PITX1: variants seen among roughly 807,000 people sequenced by gnomAD.
The protein encoded by PITX1 is paired like homeodomain 1.
A neutral mutation model predicts 24.1 loss-of-function variants in PITX1; 5 were observed. That is an observed-to-expected ratio of 0.21 (90% CI 0.11 to 0.44). The LOEUF (loss-of-function observed/expected upper bound fraction) is 0.44, where lower values mean the gene tolerates loss of function less well. Ranked by LOEUF, PITX1 falls within the 20% of genes least tolerant of loss-of-function variation. The pLI, the probability that PITX1 is intolerant of heterozygous loss-of-function variation, is 0.99. For synonymous variants in PITX1, 213 were observed against 208.9 expected, an observed-to-expected ratio of 1.02 and a Z score of -0.17; for missense variants, 401 against 455.4, an observed-to-expected ratio of 0.88 and a Z score of 1.09.
In PITX1 at chr5:135,033,912, G is replaced by T; in HGVS notation, c.-31C>A. On this transcript the variant is annotated 5_prime_UTR_variant, in exon 1 of 3. Transcript: ENST00000265340. The surrounding 1 kb of genome is among the most constrained non-coding windows in gnomAD (Gnocchi z 5.9). ...TGGGGACCGCGGCGGGCGCTCCAGG[G>T]GCCGGGGCTGGGCGCGCCCCGCCGC... 5.3e-6 allele frequency: 7 copies of T among 1,311,502 alleles called. No homozygotes were observed. Among genetic ancestry groups the T allele is most frequent in the Non-Finnish European group, 6.8e-6 (7 of 1,032,350 alleles). 81.2% of individuals were successfully genotyped at this position (1,311,502 alleles called of 1,614,324 possible). A position where few individuals can be genotyped will look rare whatever the true frequency, so the allele number is the denominator to read the frequency against.
chr5:135,033,553 G>C lies in PITX1; in HGVS notation c.169+160C>G. The C allele has an allele frequency of 1.3e-6, 1 of 750,314 alleles. No homozygotes were observed. The highest frequency in any genetic ancestry group is 2.9e-5 in the East Asian group (1 of 34,466). 46.5% of individuals were successfully genotyped at this position (750,314 alleles called of 1,614,324 possible). Reference sequence around the variant, plus strand: ...CCTTCGCGTGTGCGTAAGTTTCCGCGTTCACCGTCAGGTCGAGAACGGGAA... The same window carrying C: ...CCTTCGCGTGTGCGTAAGTTTCCGCCTTCACCGTCAGGTCGAGAACGGGAA... On this transcript the variant is annotated intron_variant, in intron 1 of 2. Coordinates refer to ENST00000265340, the MANE Select transcript of PITX1 (RefSeq NM_002653.5). This position sits in a 1 kb window ranked among gnomAD's most constrained non-coding sequence, Gnocchi z 5.9.
Position 135,033,067 on chromosome 5 carries a change from CG to C in PITX1, c.169+645del, listed in dbSNP as rs1178172044. The C allele has an allele frequency of 2.9e-5, 13 of 444,148 alleles. No individual in the cohort carries two copies. Among genetic ancestry groups the C allele is most frequent in the African/African-American group, 2.5e-4 (12 of 48,952 alleles). 27.5% of individuals were successfully genotyped at this position (444,148 alleles called of 1,614,324 possible). A position where few individuals can be genotyped will look rare whatever the true frequency, so the allele number is the denominator to read the frequency against. On this transcript the variant is annotated intron_variant, in intron 1 of 2. Transcript: ENST00000265340. This position sits in a 1 kb window ranked among gnomAD's most constrained non-coding sequence, Gnocchi z 5.9. Reference sequence around the variant, plus strand: ...AGCGCGGAGGGAGACGCGCAGGAGCCGGGGCGGGGGCCAGAGCCGGGCTGCT... The same window carrying C: ...AGCGCGGAGGGAGACGCGCAGGAGCCGGGCGGGGGCCAGAGCCGGGCTGCT...
chr5:135,031,247 G>T, intron 2 of PITX1, 29 bp downstream of exon 2: 1 of 1,588,218 alleles, frequency 6.3e-7, no homozygotes, highest in Non-Finnish European at 8.6e-7. Flanking sequence ...CTCTGCGCGG[G>T]TGCCCTTAGG....
In PITX1 at chr5:135,033,640, G is replaced by A. The variant is rs1752505019; in HGVS notation, c.169+73C>T. 6.8e-7 allele frequency: 1 copy of A among 1,476,904 alleles called. No homozygotes were observed. Among genetic ancestry groups the A allele is most frequent in the Non-Finnish European group, 9.2e-7 (1 of 1,082,874 alleles). The allele number at this position is 1,476,904 out of a possible 1,614,324, so 91.5% of individuals were successfully genotyped here. On this transcript the variant is annotated intron_variant, in intron 1 of 2. Transcript: ENST00000265340. The surrounding 1 kb of genome is among the most constrained non-coding windows in gnomAD (Gnocchi z 5.9). The stretch of plus-strand genomic sequence containing the variant: ...GCTTGGTTGCGCGGCGCGGGCGTCA[G>A]GCCCTGCTCCCAGCTCCCCGTGCTC...
chr5:135,032,903 C>CCA (rs1314903911), intron 1 of PITX1: 2 of 418,966 alleles, frequency 4.8e-6, no homozygotes, highest in Non-Finnish European at 9.7e-6. Flanking sequence ...GAAGAGGCGC[C>CCA]CACACCGGGG....
In PITX1 at chr5:135,029,204, C is replaced by T. The variant is rs1217579831; in HGVS notation, c.520G>A (p.Val174Met). The change falls in exon 3 of 3, where the codon GTG becomes ATG. Residue 174 changes from valine (V) to methionine (M), a missense_variant. Coordinates refer to ENST00000265340, the MANE Select transcript of PITX1 (RefSeq NM_002653.5). ...TTGTAGGAGTAGCCGGCGGCGTACA[C>T]GTCCTCGTAGGGCTGCACTAGGCCG... ...FSGLVQPYEDVYAAGYSYNNW... is the reference protein window; with the variant it reads ...FSGLVQPYEDMYAAGYSYNNW... 8 of 1,614,076 alleles carry T rather than the reference C, an allele frequency of 5.0e-6. No homozygotes were observed. Among genetic ancestry groups the T allele is most frequent in the Middle Eastern group, 1.6e-4 (1 of 6,084 alleles).
At position 135,033,618 on chromosome 5, in the gene PITX1, T is replaced by G; in HGVS notation, c.169+95A>C. The stretch of plus-strand genomic sequence containing the variant: ...ACGCTTCTGGGGCGGAGAGGGAGCT[T>G]GGTTGCGCGGCGCGGGCGTCAGGCC... On this transcript the variant is annotated intron_variant, in intron 1 of 2. Coordinates refer to ENST00000265340, the MANE Select transcript of PITX1 (RefSeq NM_002653.5). This position sits in a 1 kb window ranked among gnomAD's most constrained non-coding sequence, Gnocchi z 5.9. The G allele has an allele frequency of 2.4e-6, 3 of 1,249,496 alleles. No individual in the cohort carries two copies. The highest frequency in any genetic ancestry group is 3.4e-6 in the Non-Finnish European group (3 of 882,290). The allele number at this position is 1,249,496 out of a possible 1,614,324, so 77.4% of individuals were successfully genotyped here.
At chr5:135,031,030 G>A (rs1316884706) in intron 2 of PITX1, among the ~76,000 whole-genome samples, 1 of 152,212 alleles carries the variant, frequency 6.6e-6, no homozygotes, top group African/African-American at 2.4e-5. Flanking sequence ...CTTTGGGCTG[G>A]GGTTGCCTTA....
In PITX1 at chr5:135,033,693, G is replaced by A; in HGVS notation, c.169+20C>T. 6.3e-7 allele frequency: 1 copy of A among 1,593,074 alleles called. No individual in the cohort carries two copies. Among genetic ancestry groups the A allele is most frequent in the Non-Finnish European group, 8.5e-7 (1 of 1,176,772 alleles). Reference sequence around the variant, plus strand: ...CGCCCGGGTAGGCTCTGTGCGCGCCGCGCGGGGAACGGCGCTTACCTGGCA... The same window carrying A: ...CGCCCGGGTAGGCTCTGTGCGCGCCACGCGGGGAACGGCGCTTACCTGGCA... On this transcript the variant is annotated intron_variant, in intron 1 of 2. Coordinates refer to ENST00000265340, the MANE Select transcript of PITX1 (RefSeq NM_002653.5). This position sits in a 1 kb window ranked among gnomAD's most constrained non-coding sequence, Gnocchi z 5.9.
intron 1 of PITX1, among the ~76,000 whole-genome samples, chr5:135,032,581 G>C (rs970433113): frequency 2.6e-5 from 4 of 151,766 alleles, no homozygotes; most frequent in African/African-American, 9.7e-5. Context: ...GTTGCATGTA[G>C]ATATTTTAAA....
At chr5:135,031,568 C>CG (rs1270279606) in intron 1 of PITX1, 60 bp from the exon 2 acceptor site, 2 of 1,390,524 alleles carry the variant, frequency 1.4e-6, no homozygotes, top group Non-Finnish European at 2.0e-6. Flanking sequence ...CACCCCGTCC[C>CG]GGCTCCACCG....
Position 135,031,482 on chromosome 5 carries a change from C to A in PITX1, c.196G>T (p.Gly66Trp). 2 of 1,612,770 alleles carry A rather than the reference C, an allele frequency of 1.2e-6. No homozygotes were observed. The highest frequency in any genetic ancestry group is 8.5e-7 in the Non-Finnish European group (1 of 1,179,792). ...CCTCCCGCACCACTGTCCTCGGGCC[C>A]CTTGGGTTCCCCGCCGCGCTCCTTC... ...PEKERGGEPKGPEDSGAGGTG... is the reference protein window; with the variant it reads ...PEKERGGEPKWPEDSGAGGTG... Residue 66 changes from glycine (G) to tryptophan (W), a missense_variant, in exon 2 of 3, where the codon GGG becomes TGG. Gly to Trp is a radical substitution (Grantham distance 184, BLOSUM62 -2). Around this residue, in one of 3 missense-constraint regions of PITX1, gnomAD observed 136 missense variants for 133.3 expected, o/e 1.02. Transcript: ENST00000265340.
intron 2 of PITX1, 26 bp downstream of exon 2, chr5:135,031,250 C>G: frequency 6.3e-7 from 1 of 1,598,654 alleles, no homozygotes; most frequent in Non-Finnish European, 8.6e-7. Flanking sequence ...TGCGCGGGTG[C>G]CCTTAGGCGC....
chr5:135,033,872 A>C lies in PITX1; in HGVS notation c.10T>G (p.Phe4Val). The C allele has an allele frequency of 1.4e-6, 2 of 1,456,136 alleles. No homozygotes were observed. The highest frequency in any genetic ancestry group is 9.0e-7 in the Non-Finnish European group (1 of 1,113,816). The allele number at this position is 1,456,136 out of a possible 1,614,324, so 90.2% of individuals were successfully genotyped here. The stretch of plus-strand genomic sequence containing the variant: ...CGCTCCAGGCTCATGCCCCCCTTGA[A>C]GGCGTCCATGGAGGTGGGGACCGCG... Reference protein sequence around the residue: MDAFKGGMSLERLP... With the variant: MDAVKGGMSLERLP... The change falls in exon 1 of 3, where the codon TTC becomes GTC. Residue 4 changes from phenylalanine (F) to valine (V), a missense_variant. Physicochemically the swap from Phe to Val is conservative, Grantham distance 50 (BLOSUM62 -1). Around this residue, in one of 3 missense-constraint regions of PITX1, gnomAD observed 136 missense variants for 133.3 expected, o/e 1.02. Coordinates refer to ENST00000265340, the MANE Select transcript of PITX1 (RefSeq NM_002653.5). The surrounding 1 kb of genome is among the most constrained non-coding windows in gnomAD (Gnocchi z 5.9).
intron 2 of PITX1, 89 bp downstream of exon 2, chr5:135,031,187 G>T: frequency 1.0e-6 from 1 of 961,668 alleles, no homozygotes; most frequent in Non-Finnish European, 1.7e-6. Context: ...GTGAAGTTCT[G>T]CTTGTGGGTC....
chr5:135,029,507 ATT>A (rs1231712750), intron 2 of PITX1, among the ~76,000 whole-genome samples, 186 bp from the exon 3 acceptor site: 2 of 152,092 alleles, frequency 1.3e-5, no homozygotes, highest in African/African-American at 4.8e-5. Context: ...GAAAATACTA[ATT>A]TCTTTTTCCG....
chr5:135,031,672 G>C, intron 1 of PITX1, 164 bp from the exon 2 acceptor site: 2 of 624,800 alleles, frequency 3.2e-6, no homozygotes, highest in Non-Finnish European at 2.8e-6. Context: ...GCCGGGTGCT[G>C]GTCGTCAGTA....
rs749703746 is a variant in PITX1, at chr5:135,029,307, G to A, written c.417C>T (p.Asn139=). The change falls in exon 3 of 3, where the codon AAC becomes AAT. Residue 139 remains asparagine (N), a synonymous_variant. Transcript: ENST00000265340. The part of the protein sequence containing the change: ...TEPRVRVWFK[N]RRAKWRKRER... The stretch of plus-strand genomic sequence containing the variant: ...CGCGCTTACGCCACTTGGCTCGCCG[G>A]TTCTTGAACCAGACCTGGGGGAGGG... The A allele has an allele frequency of 2.8e-5, 45 of 1,597,218 alleles. No individual in the cohort carries two copies. The highest frequency in any genetic ancestry group is 3.8e-5 in the Non-Finnish European group (44 of 1,170,864).
At chr5:135,032,609 G>T (rs1580927997) in intron 1 of PITX1, among the ~76,000 whole-genome samples, 1 of 152,118 alleles carries the variant, frequency 6.6e-6, no homozygotes, top group Admixed American at 6.5e-5. Context: ...CCTACACTTC[G>T]TACGTTAATT....
Sources: allele counts gnomAD v4.1 joint callset (sites outside exome capture counted in the v4.1 genomes callset), GRCh38; gene constraint gnomAD v4.1.1; regional missense constraint gnomAD v4.1.1; non-coding constraint Gnocchi (gnomAD v3.1); transcripts MANE v1.5; gene names NCBI Gene and HGNC (gene_info 2026-07-23, HGNC 2026-07-21).